PALLD: variants seen among roughly 807,000 people sequenced by gnomAD.
PALLD encodes palladin, cytoskeletal associated protein, also known as palladin.
PALLD carries 61 observed loss-of-function variants against 123.5 expected under a neutral mutation model. That is an observed-to-expected ratio of 0.49 (90% CI 0.40 to 0.61). PALLD has a LOEUF of 0.61. PALLD is among the 20% of genes least tolerant of loss of function. PALLD has a pLI of 0.00. For missense variants in PALLD, 1,273 were observed against 1,377.0 expected, an observed-to-expected ratio of 0.92 and a Z score of 1.20; for synonymous variants, 465 against 496.4, an observed-to-expected ratio of 0.94 and a Z score of 0.84.
intron 10 of PALLD, among the ~76,000 whole-genome samples, chr4:168,789,431 G>A (rs1737192047): frequency 6.6e-6 from 1 of 152,190 alleles, no homozygotes; most frequent in African/African-American, 2.4e-5. Flanking sequence ...TTAGGGCCGG[G>A]TGCAGTGGCT....
chr4:168,837,697 G>A (rs182579076), intron 10 of PALLD, among the ~76,000 whole-genome samples: 2 of 152,256 alleles, frequency 1.3e-5, no homozygotes, highest in African/African-American at 2.4e-5. Flanking sequence ...ATTTTAAGAG[G>A]GTAAGTAATT....
intron 2 of PALLD, among the ~76,000 whole-genome samples, chr4:168,556,164 C>T (rs1257007790): frequency 1.3e-5 from 2 of 151,812 alleles, no homozygotes; most frequent in Admixed American, 6.6e-5. Context: ...GGCGCAATCT[C>T]GGCTCACTGC....
chr4:168,556,877 A>T (rs1260468783), intron 2 of PALLD, among the ~76,000 whole-genome samples: 2 of 144,030 alleles, frequency 1.4e-5, no homozygotes, highest in African/African-American at 5.1e-5. Context: ...AGCCTAGAAG[A>T]AGTGGCTACT....
intron 10 of PALLD, among the ~76,000 whole-genome samples, chr4:168,792,073 G>A (rs1361835239): frequency 6.6e-6 from 1 of 152,142 alleles, no homozygotes; most frequent in Non-Finnish European, 1.5e-5. Context: ...TCTGAAGAAT[G>A]CACATATGTA....
intron 2 of PALLD, among the ~76,000 whole-genome samples, chr4:168,533,968 T>A (rs1203343952): frequency 6.6e-6 from 1 of 152,170 alleles, no homozygotes; most frequent in East Asian, 1.9e-4. Context: ...TTCAGGAATT[T>A]CAGGTTAATA....
chr4:168,600,469 C>T (rs1479348522), intron 2 of PALLD, among the ~76,000 whole-genome samples: 1 of 152,128 alleles, frequency 6.6e-6, no homozygotes, highest in African/African-American at 2.4e-5. Context: ...CCTCTTTAAA[C>T]TCATCTTTTT....
intron 2 of PALLD, among the ~76,000 whole-genome samples, chr4:168,518,144 C>G (rs1040562522): frequency 1.3e-5 from 2 of 152,166 alleles, no homozygotes; most frequent in African/African-American, 2.4e-5. Context: ...CTCGATCCCT[C>G]TTTTTCTCAC....
intron 9 of PALLD, among the ~76,000 whole-genome samples, chr4:168,711,254 G>A (rs374318247): frequency 2.0e-5 from 3 of 152,226 alleles, no homozygotes; most frequent in East Asian, 1.9e-4. Flanking sequence ...AGAGGACAAA[G>A]CATTGTTGGT....
intron 18 of PALLD, 33 bp from the exon 19 acceptor site, chr4:168,924,222 C>CATTG: frequency 6.3e-7 from 1 of 1,590,532 alleles, no homozygotes; most frequent in Non-Finnish European, 8.6e-7. Flanking sequence ...TTTTGTATAT[C>CATTG]ATTGATAGAG....
intron 10 of PALLD, among the ~76,000 whole-genome samples, chr4:168,724,966 T>C (rs1786397942): frequency 6.6e-6 from 1 of 152,226 alleles, no homozygotes; most frequent in Non-Finnish European, 1.5e-5. Flanking sequence ...CTGTACACCA[T>C]CTCGACTCTG....
intron 10 of PALLD, among the ~76,000 whole-genome samples, chr4:168,764,784 GT>G (rs2150464862): frequency 6.6e-6 from 1 of 152,240 alleles, no homozygotes; most frequent in African/African-American, 2.4e-5. Context: ...CTCTAAGCAA[GT>G]TTTCCTTTCT....
Position 168,869,377 on chromosome 4 carries a change from G to T in PALLD, c.1965-21545G>T, listed in dbSNP as rs551311617. Among the ~76,000 whole-genome samples the T allele has an allele frequency of 6.6e-6, 1 of 152,252 alleles. No individual in the cohort carries two copies. The highest frequency in any genetic ancestry group is 2.4e-5 in the African/African-American group (1 of 41,552). ...AGTGCCATGCCAGCCTTGTGGGCTG[G>T]AGTAGTATGGAGGAGGGAGTAAGAA... On this transcript the variant is annotated intron_variant, in intron 10 of 21. Coordinates refer to ENST00000505667, the MANE Select transcript of PALLD (RefSeq NM_001166108.2). The surrounding 1 kb of genome is among the most constrained non-coding windows in gnomAD (Gnocchi z 4.5).
chr4:168,837,631 C>A (rs907511970), intron 10 of PALLD, among the ~76,000 whole-genome samples: 17 of 152,202 alleles, frequency 1.1e-4, no homozygotes, highest in Non-Finnish European at 2.5e-4. Context: ...ATCCTCACCA[C>A]AATCCCACGT....
intron 10 of PALLD, among the ~76,000 whole-genome samples, chr4:168,741,640 T>C (rs753845065): frequency 6.6e-5 from 10 of 152,032 alleles, no homozygotes; most frequent in South Asian, 4.1e-4. Flanking sequence ...GCTATGATTG[T>C]GTCACTGCGC....
chr4:168,515,326 C>T (rs1762891443), intron 2 of PALLD, among the ~76,000 whole-genome samples: 1 of 152,168 alleles, frequency 6.6e-6, no homozygotes. Context: ...AGATTTCCTG[C>T]AATGGGGCAT....
Position 168,561,028 on chromosome 4 carries a change from G to A in PALLD, c.908+48616G>A, listed in dbSNP as rs372397658. Reference sequence around the variant, plus strand: ...AAAACACATCTGCAGTCAAGAGGGAGGCATTTCAGTGCCTGTTATTATGCC... The same window carrying A: ...AAAACACATCTGCAGTCAAGAGGGAAGCATTTCAGTGCCTGTTATTATGCC... On this transcript the variant is annotated intron_variant, in intron 2 of 21. Transcript: ENST00000505667. Among the ~76,000 whole-genome samples the A allele has an allele frequency of 7.9e-4, 120 of 152,210 alleles. 3 individuals are homozygous for A. Among genetic ancestry groups the A allele is most frequent in the African/African-American group, 2.6e-3 (108 of 41,532 alleles).
At chr4:168,896,412 G>C (rs1008421788) in intron 12 of PALLD, 137 bp from the exon 13 acceptor site, 5 of 649,728 alleles carry the variant, frequency 7.7e-6, no homozygotes, top group Non-Finnish European at 1.4e-5. Context: ...CAGAATGGTT[G>C]TGTGAGTACT....
intron 10 of PALLD, among the ~76,000 whole-genome samples, chr4:168,871,227 A>G (rs1644911929): frequency 6.6e-6 from 1 of 152,232 alleles, no homozygotes; most frequent in South Asian, 2.1e-4. Flanking sequence ...GGCACCAGCC[A>G]TTGTGTGATG....
At chr4:168,541,045 C>T (rs1025740931) in intron 2 of PALLD, among the ~76,000 whole-genome samples, 4 of 152,124 alleles carry the variant, frequency 2.6e-5, no homozygotes, top group African/African-American at 9.7e-5. Flanking sequence ...TTGCAGCCTC[C>T]CTGCTAATAA....
Sources: gnomAD v4.1 joint callset for allele counts (sites outside exome capture counted in the v4.1 genomes callset) on GRCh38, gnomAD v4.1.1 for gene constraint, Gnocchi (gnomAD v3.1) non-coding constraint, MANE v1.5 for transcripts, NCBI Gene and HGNC (gene_info 2026-07-23, HGNC 2026-07-21) for gene names.